Variants in ITCH observed in about 807,000 individuals in gnomAD.
ITCH encodes the protein E3 ubiquitin-protein ligase Itchy homolog.
A neutral mutation model predicts 126.8 loss-of-function variants in ITCH; 28 were observed. The ratio of observed to expected loss-of-function variants is 0.22; its 90% CI spans 0.16 to 0.30. The LOEUF (loss-of-function observed/expected upper bound fraction) is 0.30, where lower values mean the gene tolerates loss of function less well. Ranked by LOEUF, ITCH falls within the 10% of genes least tolerant of loss-of-function variation. The pLI is 1.00. For synonymous variants in ITCH, 342 were observed against 340.0 expected (o/e 1.01, Z -0.06); for missense variants, 631 against 1,032.4 (o/e 0.61, Z 5.33).
intron 1 of ITCH, among the ~76,000 whole-genome samples, chr20:34,367,608 G>A (rs576263522): frequency 2.6e-5 from 4 of 152,298 alleles, no homozygotes; most frequent in African/African-American, 9.6e-5. Flanking sequence ...ATTGTATTAT[G>A]GTTGATCAAT....
At position 34,389,908 on chromosome 20, in the gene ITCH, G is replaced by T. The variant is rs548017900; in HGVS notation, c.-21-3883G>T. ...GGCCAAGGTGGGTGGATCATTTGAGGTCAGGAGTTTGAGACCAGCCTGGCC... is the reference window on the plus strand; with the variant it reads ...GGCCAAGGTGGGTGGATCATTTGAGTTCAGGAGTTTGAGACCAGCCTGGCC... On this transcript the variant is annotated intron_variant, in intron 2 of 24. Coordinates refer to ENST00000374864, the MANE Select transcript of ITCH (RefSeq NM_031483.7). Among the ~76,000 whole-genome samples the T allele has an allele frequency of 2.6e-5, 4 of 152,286 alleles. No homozygotes were observed. The South Asian group carries it at 8.3e-4, about 32-fold the overall frequency.
At chr20:34,419,571 C>T (rs535096355) in intron 6 of ITCH, among the ~76,000 whole-genome samples, 21 of 152,050 alleles carry the variant, frequency 1.4e-4, no homozygotes, top group African/African-American at 4.1e-4. Context: ...AACCTCCTTC[C>T]GGGTTCAGGC....
At chr20:34,466,180 AT>A (rs11480899) in intron 14 of ITCH, 55 of 268,798 alleles carry the variant, frequency 2.0e-4, no homozygotes, top group East Asian at 3.0e-4. Flanking sequence ...TGATCATGTG[AT>A]TTTTTCCCCC....
intron 6 of ITCH, among the ~76,000 whole-genome samples, chr20:34,423,518 A>G (rs1241730805): frequency 2.0e-5 from 3 of 152,010 alleles, no homozygotes. Flanking sequence ...TCTTGTTTCT[A>G]CATGTGATCA....
rs779017298 is a variant in ITCH, at chr20:34,372,384, C to CTTTTTTTTT, written c.-22+2920_-22+2928dup. 1.3e-4 allele frequency among the ~76,000 whole-genome samples: 12 copies of CTTTTTTTTT among 93,150 alleles called. 1 individual carries two copies. The highest frequency in any genetic ancestry group is 3.1e-4 in the Admixed American group (2 of 6,386). The allele number at this position is 93,150 out of a possible 152,430, so 61.1% of individuals were successfully genotyped here. A position where few individuals can be genotyped will look rare whatever the true frequency, so the allele number is the denominator to read the frequency against. On this transcript the variant is annotated intron_variant, in intron 2 of 24. Transcript: ENST00000374864. The stretch of plus-strand genomic sequence containing the variant: ...AGAAACCATGTTATTTTAAGTTCTA[C>CTTTTTTTTT]TTTTTTTTTTTTTTGAGAGGGAATC...
At chr20:34,450,056 A>G (rs1985001655) in intron 12 of ITCH, among the ~76,000 whole-genome samples, 2 of 152,218 alleles carry the variant, frequency 1.3e-5, no homozygotes, top group South Asian at 2.1e-4. Flanking sequence ...AGGTGATTAC[A>G]TTAATAATGT....
At chr20:34,487,296 G>T (rs1410841635) in intron 20 of ITCH, among the ~76,000 whole-genome samples, 1 of 152,176 alleles carries the variant, frequency 6.6e-6, no homozygotes, top group Admixed American at 6.5e-5. Context: ...ACAGGCATGA[G>T]CCGCCGTGCC....
At chr20:34,385,205 GT>G in intron 2 of ITCH, among the ~76,000 whole-genome samples, 2 of 141,502 alleles carry the variant, frequency 1.4e-5, no homozygotes, top group Non-Finnish European at 3.0e-5. Flanking sequence ...GTGTGTGTGT[GT>G]GTGTGTGTGT....
At chr20:34,379,675 ACCT>A (rs956452215) in intron 2 of ITCH, among the ~76,000 whole-genome samples, 1 of 147,664 alleles carries the variant, frequency 6.8e-6, no homozygotes, top group Admixed American at 6.8e-5. Flanking sequence ...ACTCACTGCA[ACCT>A]CCGCCTCCTG....
intron 2 of ITCH, 64 bp from the exon 3 acceptor site, chr20:34,393,727 A>C: frequency 1.1e-6 from 1 of 929,752 alleles, no homozygotes; most frequent in East Asian, 2.4e-5. Context: ...CCAGGTTAGC[A>C]CTATTTATAT....
intron 3 of ITCH, chr20:34,401,681 T>C: frequency 1.1e-6 from 1 of 947,158 alleles, no homozygotes; most frequent in Non-Finnish European, 1.3e-6. Flanking sequence ...TCGGTCCTCC[T>C]CACCTTAAGG....
chr20:34,382,286 T>G (rs879867597), intron 2 of ITCH, among the ~76,000 whole-genome samples: 3 of 152,218 alleles, frequency 2.0e-5, no homozygotes, highest in Non-Finnish European at 4.4e-5. Flanking sequence ...TTCTAGGTTT[T>G]TGACACAATC....
At chr20:34,449,719 A>C (rs1468280869) in intron 12 of ITCH, among the ~76,000 whole-genome samples, 1 of 152,134 alleles carries the variant, frequency 6.6e-6, no homozygotes, top group East Asian at 1.9e-4. Context: ...ACTCTTCTAC[A>C]GTTTAAAGAT....
chr20:34,474,492 A>T (rs558436546), intron 16 of ITCH, among the ~76,000 whole-genome samples: 1 of 152,376 alleles, frequency 6.6e-6, no homozygotes, highest in East Asian at 1.9e-4. Flanking sequence ...AAGGTCACAG[A>T]TCAACAGGAT....
In ITCH at chr20:34,479,743, C is replaced by G; in HGVS notation, c.1772C>G (p.Pro591Arg). The G allele has an allele frequency of 6.2e-7, 1 of 1,614,040 alleles. No homozygotes were observed. Among genetic ancestry groups the G allele is most frequent in the Non-Finnish European group, 8.5e-7 (1 of 1,179,998 alleles). ...LQINPASYIN[P>R]DHLKYFRFIG... Reference sequence around the variant, plus strand: ...ATAAACCCCGCTTCTTACATCAATCCAGATCACCTGAAATATTTTCGTTTT... The same window carrying G: ...ATAAACCCCGCTTCTTACATCAATCGAGATCACCTGAAATATTTTCGTTTT... Residue 591 changes from proline (P) to arginine (R), a missense_variant, in exon 18 of 25, where the codon CCA (proline) becomes CGA (arginine). Coordinates refer to ENST00000374864, the MANE Select transcript of ITCH (RefSeq NM_031483.7).
At chr20:34,423,574 A>G (rs1006956771) in intron 6 of ITCH, among the ~76,000 whole-genome samples, 36 of 152,018 alleles carry the variant, frequency 2.4e-4, no homozygotes, top group African/African-American at 8.0e-4. Context: ...GCTTCTTTAA[A>G]TGTACCTACC....
Position 34,479,701 on chromosome 20 carries a change from A to G in ITCH, c.1730A>G (p.Asp577Gly), listed in dbSNP as rs1164703162. 2.5e-6 allele frequency: 4 copies of G among 1,613,806 alleles called. No homozygotes were observed. The highest frequency in any genetic ancestry group is 3.4e-6 in the Non-Finnish European group (4 of 1,179,696). The change falls in exon 18 of 25, where the codon GAT becomes GGT. Residue 577 changes from aspartate (D) to glycine (G), a missense_variant. By Grantham distance (94) the Asp-to-Gly change is moderately conservative. This residue lies in a region of ITCH where 390 missense variants were observed against 731.6 expected (regional missense o/e 0.53). Transcript: ENST00000374864. The part of the protein sequence containing the change: ...MYCLFEYAGK[D>G]NYCLQINPAS... ...TGCCTGTTTGAATATGCAGGGAAGG[A>G]TAACTACTGCTTGCAGATAAACCCC...
chr20:34,377,305 C>T (rs1019199458), intron 2 of ITCH, among the ~76,000 whole-genome samples: 5 of 152,154 alleles, frequency 3.3e-5, no homozygotes, highest in South Asian at 2.1e-4. Context: ...AACAGGGAGG[C>T]GGAGGTTGCA....
At chr20:34,396,356 C>T (rs376739829) in intron 3 of ITCH, among the ~76,000 whole-genome samples, 44 of 151,962 alleles carry the variant, frequency 2.9e-4, no homozygotes, top group African/African-American at 1.1e-3. Flanking sequence ...AAAGCAGCTG[C>T]ACCGTTTTGC....
Sources: allele counts gnomAD v4.1 joint callset (sites outside exome capture counted in the v4.1 genomes callset), GRCh38; gene constraint gnomAD v4.1.1; regional missense constraint gnomAD v4.1.1; transcripts MANE v1.5; gene names NCBI Gene and HGNC (gene_info 2026-07-23, HGNC 2026-07-21).